Variants in RALYL observed in about 807,000 individuals in gnomAD.
RALYL encodes RALY RNA binding protein like.
A neutral mutation model predicts 35.1 loss-of-function variants in RALYL; 29 were observed. That is an observed-to-expected ratio of 0.83 (90% CI 0.61 to 1.13). RALYL has a LOEUF of 1.13. RALYL is among the 50% of genes most tolerant of loss of function. The probability of loss-of-function intolerance (pLI) is 0.00; values close to 1 mark genes in which losing one functional copy is unlikely to be tolerated. For synonymous variants in RALYL, 120 were observed against 127.6 expected (o/e 0.94, Z 0.40); for missense variants, 359 against 360.4 (o/e 1.00, Z 0.03).
chr8:84,491,256 A>G (rs1456704141), intron 1 of RALYL, among the ~76,000 whole-genome samples: 1 of 152,060 alleles, frequency 6.6e-6, no homozygotes, highest in East Asian at 1.9e-4. Flanking sequence ...GCATCTCATC[A>G]TATGTGGTGT....
chr8:84,577,153 A>G (rs1809651761), intron 2 of RALYL, among the ~76,000 whole-genome samples: 1 of 152,236 alleles, frequency 6.6e-6, no homozygotes. Context: ...GCAGGCCAAC[A>G]GTTGCGTTTG....
At position 84,789,096 on chromosome 8, in the gene RALYL, G is replaced by A. The variant is rs190248453; in HGVS notation, c.332+14442G>A. Among the ~76,000 whole-genome samples, 10 of 152,338 alleles carry A rather than the reference G, an allele frequency of 6.6e-5. No individual in the cohort carries two copies. In the East Asian group the frequency reaches 1.9e-3, roughly 29 times the overall value. On this transcript the variant is annotated intron_variant, in intron 3 of 8. Transcript: ENST00000521268. Reference sequence around the variant, plus strand: ...GTCCAGGTTGTAGCCTTAGTATGCAGAGCGTGGGACATGACAGAAAAACAG... The same window carrying A: ...GTCCAGGTTGTAGCCTTAGTATGCAAAGCGTGGGACATGACAGAAAAACAG...
chr8:84,353,083 C>T (rs780200595), intron 1 of RALYL, among the ~76,000 whole-genome samples: 1 of 150,094 alleles, frequency 6.7e-6, no homozygotes, highest in Non-Finnish European at 1.5e-5. Flanking sequence ...TTTTTTGAAA[C>T]TATAATTACA....
intron 2 of RALYL, among the ~76,000 whole-genome samples, chr8:84,655,691 C>A (rs2131590766): frequency 6.6e-6 from 1 of 151,200 alleles, no homozygotes; most frequent in East Asian, 2.0e-4. Context: ...AATCCCTTGT[C>A]AAATGGATTT....
chr8:84,461,414 C>T (rs1345862140), intron 1 of RALYL, among the ~76,000 whole-genome samples: 5 of 151,542 alleles, frequency 3.3e-5, no homozygotes, highest in African/African-American at 9.7e-5. Context: ...AGAAGGCCCA[C>T]GGAATTCACA....
intron 1 of RALYL, among the ~76,000 whole-genome samples, chr8:84,507,805 A>G (rs1417429396): frequency 6.6e-6 from 1 of 152,176 alleles, no homozygotes; most frequent in Non-Finnish European, 1.5e-5. Flanking sequence ...CATTTCATAC[A>G]GTGATTATTA....
chr8:84,398,236 C>T (rs943988075), intron 1 of RALYL, among the ~76,000 whole-genome samples: 28 of 152,026 alleles, frequency 1.8e-4, no homozygotes, highest in African/African-American at 5.8e-4. Context: ...GAGCTTGATC[C>T]GCAAGCACTT....
At chr8:84,656,853 A>G (rs1429404869) in intron 2 of RALYL, among the ~76,000 whole-genome samples, 3 of 152,178 alleles carry the variant, frequency 2.0e-5, no homozygotes, top group Non-Finnish European at 4.4e-5. Flanking sequence ...CCCATTAAAT[A>G]TCCAAAGTAG....
At chr8:84,530,979 T>G (rs1018503996) in intron 2 of RALYL, among the ~76,000 whole-genome samples, 1 of 152,180 alleles carries the variant, frequency 6.6e-6, no homozygotes, top group Non-Finnish European at 1.5e-5. Context: ...TAGAGTGTGC[T>G]GTGCTAAAAA....
intron 2 of RALYL, among the ~76,000 whole-genome samples, chr8:84,670,622 A>G (rs1234246471): frequency 6.6e-6 from 1 of 152,198 alleles, no homozygotes. Context: ...TATGTTTTAC[A>G]TGGCAGCAGG....
chr8:84,215,323 T>C (rs1820537544), intron 1 of RALYL, among the ~76,000 whole-genome samples: 1 of 152,168 alleles, frequency 6.6e-6, no homozygotes, highest in African/African-American at 2.4e-5. Flanking sequence ...GATTCAAATA[T>C]GGAAACATTT....
chr8:84,632,433 A>G (rs1292788179), intron 2 of RALYL, among the ~76,000 whole-genome samples: 1 of 151,866 alleles, frequency 6.6e-6, no homozygotes, highest in Non-Finnish European at 1.5e-5. Context: ...CCATTCTAGA[A>G]ACTCTGAGTA....
chr8:84,915,902 T>C (rs1848390937), intron 8 of RALYL, among the ~76,000 whole-genome samples: 1 of 152,188 alleles, frequency 6.6e-6, no homozygotes, highest in Non-Finnish European at 1.5e-5. Context: ...TGTGTCTAGA[T>C]GTTAAAACTA....
At chr8:84,800,264 C>G (rs1822933120) in intron 3 of RALYL, among the ~76,000 whole-genome samples, 1 of 152,116 alleles carries the variant, frequency 6.6e-6, no homozygotes, top group South Asian at 2.1e-4. Flanking sequence ...GAATTCAAAT[C>G]CCAGCTCAAC....
Position 84,279,766 on chromosome 8 carries a change from A to G in RALYL, c.-24+95342A>G, listed in dbSNP as rs140807669. Among the ~76,000 whole-genome samples, 328 of 152,122 alleles carry G rather than the reference A, an allele frequency of 2.2e-3. 1 individual carries two copies. Among genetic ancestry groups the G allele is most frequent in the Non-Finnish European group, 3.5e-3 (240 of 67,976 alleles). ...CTTATTTCTGTCACCATATCTTTTT[A>G]CCACTGATTTTTACCTTCTTGCCTC... On this transcript the variant is annotated intron_variant, in intron 1 of 8. Coordinates refer to ENST00000521268, the MANE Select transcript of RALYL (RefSeq NM_173848.7).
chr8:84,919,029 T>G (rs1848913377), intron 8 of RALYL, among the ~76,000 whole-genome samples: 1 of 152,030 alleles, frequency 6.6e-6, no homozygotes. Context: ...ACAAAATACA[T>G]AGTTGCTAAA....
chr8:84,777,313 A>AT (rs573754453), intron 3 of RALYL, among the ~76,000 whole-genome samples: 3 of 152,282 alleles, frequency 2.0e-5, no homozygotes, highest in African/African-American at 7.2e-5. Flanking sequence ...GAAAGTAGAG[A>AT]TTTTCTGAGC....
intron 1 of RALYL, among the ~76,000 whole-genome samples, chr8:84,262,813 G>T (rs1288870721): frequency 6.6e-6 from 1 of 152,110 alleles, no homozygotes; most frequent in African/African-American, 2.4e-5. Context: ...GAATACATAG[G>T]TGTGCAGTAA....
At chr8:84,329,038 T>C (rs1444386403) in intron 1 of RALYL, among the ~76,000 whole-genome samples, 4 of 152,198 alleles carry the variant, frequency 2.6e-5, no homozygotes, top group Non-Finnish European at 5.9e-5. Flanking sequence ...TCCATGCCTT[T>C]GTTACTGGGA....
Sources: gnomAD v4.1 joint callset for allele counts (sites outside exome capture counted in the v4.1 genomes callset) on GRCh38, gnomAD v4.1.1 for gene constraint, MANE v1.5 for transcripts, NCBI Gene and HGNC (gene_info 2026-07-23, HGNC 2026-07-21) for gene names.